The following RELN variants were observed in gnomAD, a reference collection of about 807,000 sequenced individuals.
The protein encoded by RELN is reelin.
In RELN, 108 loss-of-function variants were observed where a neutral mutation model predicts 427.6. The observed-to-expected ratio is 0.25, with a 90% CI of 0.22 to 0.30. The LOEUF is 0.30. Ranked by LOEUF, RELN falls within the 10% of genes least tolerant of loss-of-function variation. The probability of loss-of-function intolerance (pLI) is 1.00; values close to 1 mark genes in which losing one functional copy is unlikely to be tolerated. For missense variants in RELN, 3,715 were observed against 4,302.8 expected (o/e 0.86, Z 3.82); for synonymous variants, 1,524 against 1,513.4 (o/e 1.01, Z -0.16).
Position 103,496,675 on chromosome 7 carries a change from T to C in RELN, c.9044A>G (p.Asn3015Ser). 6.2e-7 allele frequency: 1 copy of C among 1,614,144 alleles called. No homozygotes were observed. Among genetic ancestry groups the C allele is most frequent in the Non-Finnish European group, 8.5e-7 (1 of 1,180,020 alleles). ...CTGCCACCAGCGAAGTCGAGTTGTG[T>C]TGGTGAGGGCATCTTCAGGAAGAAG... Reference protein sequence around the residue: ...YILLPEDALTNTTRLRWWQPF... With the variant: ...YILLPEDALTSTTRLRWWQPF... The change falls in exon 56 of 65, where the codon AAC (asparagine) becomes AGC (serine). Residue 3015 changes from asparagine to serine, a missense_variant. Asn to Ser is a conservative substitution (Grantham distance 46, BLOSUM62 1). Coordinates refer to ENST00000428762, the MANE Select transcript of RELN (RefSeq NM_005045.4).
At chr7:103,960,465 C>T (rs76237039) in intron 1 of RELN, among the ~76,000 whole-genome samples, 15,280 of 152,154 alleles carry the variant, frequency 0.1, 915 homozygotes, top group South Asian at 0.26. Context: ...GCTTTTTTTC[C>T]TCCTTAGTTT....
intron 46 of RELN, among the ~76,000 whole-genome samples, chr7:103,525,635 C>A (rs2256512): frequency 6.6e-6 from 1 of 151,684 alleles, no homozygotes; most frequent in East Asian, 1.9e-4. Context: ...ATTAACATAG[C>A]GGAATACCAT....
chr7:103,898,742 T>A (rs1435326259), intron 2 of RELN, among the ~76,000 whole-genome samples: 2 of 152,046 alleles, frequency 1.3e-5, no homozygotes, highest in Non-Finnish European at 2.9e-5. Context: ...CTCTGAGTTT[T>A]TGAGACTTTT....
At chr7:103,926,084 T>C (rs955396629) in intron 1 of RELN, among the ~76,000 whole-genome samples, 2 of 144,530 alleles carry the variant, frequency 1.4e-5, no homozygotes, top group Admixed American at 7.1e-5. Flanking sequence ...CATAAATATA[T>C]GACCCCCACC....
rs200566073 is a variant in RELN, at chr7:103,565,534, C to G, written c.4954G>C (p.Glu1652Gln). 8.1e-6 allele frequency: 13 copies of G among 1,610,750 alleles called. No homozygotes were observed. The highest frequency in any genetic ancestry group is 1.4e-5 in the African/African-American group (1 of 73,844). The change falls in exon 34 of 65, where the codon GAG (glutamate) becomes CAG (glutamine). Residue 1652 changes from glutamate to glutamine, a missense_variant. By Grantham distance (29) the Glu-to-Gln change is conservative (BLOSUM62 2). This residue lies in a region of RELN where 2,208 missense variants were observed against 2,361.7 expected (regional missense o/e 0.93). Coordinates refer to ENST00000428762, the MANE Select transcript of RELN (RefSeq NM_005045.4). ...GCTGACACATGAAAATCCCAGGTCT[C>G]AGCATAACGAGGTTTTCCTGAAAAA... ...TENIGKPRYA[E>Q]TWDFHVSAST... is the part of the protein sequence containing the mutation.
chr7:103,868,795 T>C (rs553018590), intron 2 of RELN, among the ~76,000 whole-genome samples: 34 of 152,248 alleles, frequency 2.2e-4, no homozygotes, highest in African/African-American at 7.5e-4. Context: ...ACATGCCTTT[T>C]ATACTCACGA....
chr7:103,862,221 A>T (rs149471456), intron 2 of RELN, among the ~76,000 whole-genome samples: 10 of 152,290 alleles, frequency 6.6e-5, no homozygotes, highest in Admixed American at 6.5e-4. Context: ...CAGTATATGG[A>T]TCTGAAAGTG....
chr7:103,479,473 C>T (rs1270584028), intron 63 of RELN, among the ~76,000 whole-genome samples: 1 of 152,088 alleles, frequency 6.6e-6, no homozygotes, highest in African/African-American at 2.4e-5. Context: ...TCTGTCAATT[C>T]GGTTAATCTG....
intron 3 of RELN, among the ~76,000 whole-genome samples, chr7:103,822,355 T>C (rs1242999459): frequency 6.6e-6 from 1 of 152,094 alleles, no homozygotes; most frequent in Admixed American, 6.6e-5. Context: ...AAGAGGAATG[T>C]ATGCAATGTC....
At chr7:103,481,104 T>A (rs985181946) in intron 63 of RELN, among the ~76,000 whole-genome samples, 4 of 152,204 alleles carry the variant, frequency 2.6e-5, no homozygotes, top group Non-Finnish European at 4.4e-5. Context: ...GAGTCCTGTT[T>A]CCAATATGTG....
chr7:103,849,291 G>A (rs574351708), intron 2 of RELN, among the ~76,000 whole-genome samples: 35 of 144,770 alleles, frequency 2.4e-4, no homozygotes, highest in African/African-American at 8.6e-4. Flanking sequence ...CGATCACCAG[G>A]TCTTTCTTAT....
chr7:103,781,639 T>C (rs1467252919), intron 3 of RELN, among the ~76,000 whole-genome samples: 2 of 152,100 alleles, frequency 1.3e-5, no homozygotes, highest in East Asian at 3.9e-4. Flanking sequence ...ATTTTGTATC[T>C]TTGACCAACA....
At chr7:103,796,656 G>A (rs1792305376) in intron 3 of RELN, among the ~76,000 whole-genome samples, 1 of 151,976 alleles carries the variant, frequency 6.6e-6, no homozygotes, top group Non-Finnish European at 1.5e-5. Context: ...ATCACTTGAG[G>A]CCAGGACCAG....
chr7:103,729,871 A>G (rs2115944330), intron 6 of RELN, among the ~76,000 whole-genome samples: 1 of 152,160 alleles, frequency 6.6e-6, no homozygotes, highest in South Asian at 2.1e-4. Flanking sequence ...AGAATTTCTC[A>G]TGGATTTCCA....
chr7:103,738,525 C>G lies in RELN; in HGVS notation c.657-10318G>C, dbSNP rs1413429041. On this transcript the variant is annotated intron_variant, in intron 6 of 64. Transcript: ENST00000428762. ...ATGATATACAACATAATCATCACCC[C>G]AGAGAGGTGCCTCATGCCCTTTACC... 2.0e-5 allele frequency among the ~76,000 whole-genome samples: 3 copies of G among 151,966 alleles called. No homozygotes were observed. The East Asian group carries it at 5.8e-4, about 29-fold the overall frequency.
chr7:103,804,934 T>C (rs1046867310), intron 3 of RELN, among the ~76,000 whole-genome samples: 1 of 152,148 alleles, frequency 6.6e-6, no homozygotes, highest in African/African-American at 2.4e-5. Context: ...GATGAGTAAC[T>C]TGCAATTGTT....
chr7:103,721,649 A>C (rs116524431), intron 8 of RELN, among the ~76,000 whole-genome samples: 1 of 152,184 alleles, frequency 6.6e-6, no homozygotes, highest in African/African-American at 2.4e-5. Context: ...TCCACCCTTG[A>C]ATAAAGTACA....
chr7:103,526,394 T>G (rs1829822808), intron 46 of RELN, among the ~76,000 whole-genome samples: 1 of 152,192 alleles, frequency 6.6e-6, no homozygotes, highest in Non-Finnish European at 1.5e-5. Context: ...AGGGCTTTCA[T>G]TTGTACTCTG....
At chr7:103,689,493 A>T (rs994661789) in intron 10 of RELN, among the ~76,000 whole-genome samples, 2 of 152,006 alleles carry the variant, frequency 1.3e-5, no homozygotes, top group Non-Finnish European at 2.9e-5. Context: ...TCTTTTGAAA[A>T]CACAGACACA....
Sources: allele counts gnomAD v4.1 joint callset (sites outside exome capture counted in the v4.1 genomes callset), GRCh38; gene constraint gnomAD v4.1.1; regional missense constraint gnomAD v4.1.1; transcripts MANE v1.5; gene names NCBI Gene and HGNC (gene_info 2026-07-23, HGNC 2026-07-21).